The following CCS variants were observed in gnomAD, a reference collection of about 807,000 sequenced individuals.
CCS encodes copper chaperone for superoxide dismutase, also known as superoxide dismutase copper chaperone.
Under a neutral mutation model 35.5 loss-of-function variants are expected in CCS, and 32 were observed. That is an observed-to-expected ratio of 0.90 (90% confidence interval 0.68 to 1.21). The LOEUF is 1.21. CCS is among the 50% of genes most tolerant of loss of function. The probability of loss-of-function intolerance (pLI) is 0.00; values close to 1 mark genes in which losing one functional copy is unlikely to be tolerated. For synonymous variants in CCS, 130 were observed against 147.2 expected, an observed-to-expected ratio of 0.88 and a Z score of 0.84; for missense variants, 342 against 375.4, an observed-to-expected ratio of 0.91 and a Z score of 0.73.
intron 5 of CCS, among the ~76,000 whole-genome samples, chr11:66,601,175 C>G (rs560044627): frequency 6.6e-6 from 1 of 152,322 alleles, no homozygotes; most frequent in South Asian, 2.1e-4. Flanking sequence ...TCATTGCAAC[C>G]TCCGCCTCCC....
chr11:66,600,006 G>C (rs1858547015), intron 4 of CCS: 1 of 205,232 alleles, frequency 4.9e-6, no homozygotes, highest in African/African-American at 2.4e-5. Flanking sequence ...CATAATCCCA[G>C]CTACTAGGGA....
chr11:66,606,000 AGTTTT>A lies in CCS; in HGVS notation c.*146_*150del. ...CTGTGGTGTTCCCTTGGCAAATGAA[AGTTTT>A]ATTTTCGTTTGGGACTTGGTGTTTT... On this transcript the variant is annotated 3_prime_UTR_variant, in exon 8 of 8. Coordinates refer to ENST00000533244, the MANE Select transcript of CCS (RefSeq NM_005125.2). 1.2e-6 allele frequency: 1 copy of A among 862,964 alleles called. No homozygotes were observed. The highest frequency in any genetic ancestry group is 1.6e-6 in the Non-Finnish European group (1 of 621,796). 53.5% of individuals were successfully genotyped at this position (862,964 alleles called of 1,614,324 possible). A position where few individuals can be genotyped will look rare whatever the true frequency, so the allele number is the denominator to read the frequency against.
In CCS at chr11:66,605,509, C is replaced by T. The variant is rs1323859066; in HGVS notation, c.588C>T (p.Arg196=). ...CAAAGGTGTGGGATGTGATTGGCCG[C>T]AGCCTGATTATTGATGAGGGAGAAG... ...EQLKVWDVIG[R]SLIIDEGEDD... is the part of the protein sequence containing the mutation. Residue 196 remains arginine, a synonymous_variant, in exon 7 of 8, where the codon CGC becomes CGT. Transcript: ENST00000533244. 6.2e-7 allele frequency: 1 copy of T among 1,614,064 alleles called. No homozygotes were observed. Among genetic ancestry groups the T allele is most frequent in the East Asian group, 2.2e-5 (1 of 44,874 alleles).
chr11:66,600,464 C>T (rs1398651529), intron 4 of CCS, 25 bp from the exon 5 acceptor site: 1 of 1,482,158 alleles, frequency 6.7e-7, no homozygotes, highest in South Asian at 1.4e-5. Context: ...TGCTTTCCTG[C>T]CCACCTGTTT....
In CCS at chr11:66,600,477, T is replaced by C. The variant is rs1196989386; in HGVS notation, c.429-12T>C. 2 of 1,517,626 alleles carry C rather than the reference T, an allele frequency of 1.3e-6. No homozygotes were observed. The highest frequency in any genetic ancestry group is 1.8e-6 in the Non-Finnish European group (2 of 1,128,090). 94.0% of individuals were successfully genotyped at this position (1,517,626 alleles called of 1,614,324 possible). A position where few individuals can be genotyped will look rare whatever the true frequency, so the allele number is the denominator to read the frequency against. ...GCTGCTTTCCTGCCCACCTGTTTCC[T>C]TTCTTTCTTAGCTGTGGGAATCACT... is the stretch of plus-strand genomic sequence containing the variant. On this transcript the variant is annotated splice_polypyrimidine_tract_variant and intron_variant, in intron 4 of 7. Coordinates refer to ENST00000533244, the MANE Select transcript of CCS (RefSeq NM_005125.2).
rs1858630963 is a variant in CCS at position 66,605,032 on chromosome 11, G to T, written c.490-307G>T. ...ACAGTCTGATCCAATGGGAATGACT[G>T]CACAGGCAGGGGAAACTTCCACTGG... is the stretch of plus-strand genomic sequence containing the variant. On this transcript the variant is annotated intron_variant, in intron 5 of 7. Coordinates refer to ENST00000533244, the MANE Select transcript of CCS (RefSeq NM_005125.2). 2.9e-6 allele frequency: 3 copies of T among 1,049,906 alleles called. No individual in the cohort carries two copies. The Admixed American group carries it at 8.2e-5, about 29-fold the overall frequency. The allele number at this position is 1,049,906 out of a possible 1,614,324, so 65.0% of individuals were successfully genotyped here. A position where few individuals can be genotyped will look rare whatever the true frequency, so the allele number is the denominator to read the frequency against.
In CCS at chr11:66,600,558, C is replaced by A. The variant is rs778668421; in HGVS notation, c.489+9C>A. ...CCCAGGACTCTGACCGGGTAAGTGTCTGTCTGGGTTTGGGCTTGGGCTGAG... is the reference window on the plus strand; with the variant it reads ...CCCAGGACTCTGACCGGGTAAGTGTATGTCTGGGTTTGGGCTTGGGCTGAG... On this transcript the variant is annotated intron_variant, in intron 5 of 7. Transcript: ENST00000533244. 1.1e-5 allele frequency: 16 copies of A among 1,500,868 alleles called. No individual in the cohort carries two copies. Among genetic ancestry groups the A allele is most frequent in the Non-Finnish European group, 1.4e-5 (16 of 1,114,406 alleles). 93.0% of individuals were successfully genotyped at this position (1,500,868 alleles called of 1,614,324 possible).
chr11:66,597,347 A>C (rs1858494306), intron 2 of CCS, among the ~76,000 whole-genome samples: 1 of 151,808 alleles, frequency 6.6e-6, no homozygotes, highest in South Asian at 2.1e-4. Flanking sequence ...TGTCCCAGCT[A>C]CTCGGGAGGC....
rs1261036540 is a variant in CCS at position 66,599,142 on chromosome 11, G to A, written c.139G>A (p.Glu47Lys). 5 of 1,614,124 alleles carry A rather than the reference G, an allele frequency of 3.1e-6. No individual in the cohort carries two copies. The South Asian group carries it at 5.5e-5, about 18-fold the overall frequency. The stretch of plus-strand genomic sequence containing the variant: ...TGTCCAGGATGTGGAGGTGCACTTG[G>A]AGGACCAGATGGTCTTGGTACACAC... ...AGVQDVEVHL[E>K]DQMVLVHTTL... Residue 47 changes from glutamate to lysine, a missense_variant, in exon 3 of 8, where the codon GAG (glutamate) becomes AAG (lysine). Transcript: ENST00000533244.
intron 2 of CCS, among the ~76,000 whole-genome samples, chr11:66,595,628 G>C (rs1160847034): frequency 2.0e-5 from 3 of 151,986 alleles, no homozygotes; most frequent in Non-Finnish European, 2.9e-5. Flanking sequence ...CCAGCCCAAG[G>C]CTCACCCCCT....
chr11:66,600,555 T>G lies in CCS; in HGVS notation c.489+6T>G, dbSNP rs1379698670. 1 of 1,504,214 alleles carries G rather than the reference T, an allele frequency of 6.6e-7. No individual in the cohort carries two copies. Among genetic ancestry groups the G allele is most frequent in the Non-Finnish European group, 9.0e-7 (1 of 1,116,892 alleles). 93.2% of individuals were successfully genotyped at this position (1,504,214 alleles called of 1,614,324 possible). On this transcript the variant is annotated splice_donor_region_variant and intron_variant, in intron 5 of 7. Coordinates refer to ENST00000533244, the MANE Select transcript of CCS (RefSeq NM_005125.2). ...GCCCCCAGGACTCTGACCGGGTAAGTGTCTGTCTGGGTTTGGGCTTGGGCT... is the reference window on the plus strand; with the variant it reads ...GCCCCCAGGACTCTGACCGGGTAAGGGTCTGTCTGGGTTTGGGCTTGGGCT...
chr11:66,600,566 G>A lies in CCS; in HGVS notation c.489+17G>A. On this transcript the variant is annotated intron_variant, in intron 5 of 7. Transcript: ENST00000533244. Reference sequence around the variant, plus strand: ...TCTGACCGGGTAAGTGTCTGTCTGGGTTTGGGCTTGGGCTGAGAGAGGACC... The same window carrying A: ...TCTGACCGGGTAAGTGTCTGTCTGGATTTGGGCTTGGGCTGAGAGAGGACC... 1 of 1,476,262 alleles carries A rather than the reference G, an allele frequency of 6.8e-7. No individual in the cohort carries two copies. Among genetic ancestry groups the A allele is most frequent in the South Asian group, 1.4e-5 (1 of 73,328 alleles). 91.4% of individuals were successfully genotyped at this position (1,476,262 alleles called of 1,614,324 possible).
chr11:66,602,481 C>T (rs1258549453), intron 5 of CCS, among the ~76,000 whole-genome samples: 2 of 152,166 alleles, frequency 1.3e-5, no homozygotes, highest in African/African-American at 4.8e-5. Flanking sequence ...TGAGAGAGGG[C>T]GTCCAAGACT....
chr11:66,593,219 C>A lies in CCS; in HGVS notation c.-43C>A. The A allele has an allele frequency of 6.4e-7, 1 of 1,551,078 alleles. No individual in the cohort carries two copies. Among genetic ancestry groups the A allele is most frequent in the Non-Finnish European group, 8.7e-7 (1 of 1,147,162 alleles). On this transcript the variant is annotated 5_prime_UTR_variant, in exon 1 of 8. Transcript: ENST00000533244. Reference sequence around the variant, plus strand: ...GACGCCGCGCTGGTTGGTGCTCCTGCGCCGGAGGAGTTCTGCGTCTCGGGG... The same window carrying A: ...GACGCCGCGCTGGTTGGTGCTCCTGAGCCGGAGGAGTTCTGCGTCTCGGGG...
intron 2 of CCS, among the ~76,000 whole-genome samples, chr11:66,593,964 C>T (rs927510700): frequency 6.6e-6 from 1 of 152,152 alleles, no homozygotes; most frequent in South Asian, 2.1e-4. Flanking sequence ...GACTGAGGAG[C>T]TAGGCTGAGG....
chr11:66,593,730 A>T lies in CCS; in HGVS notation c.112+16A>T. 1 of 1,612,612 alleles carries T rather than the reference A, an allele frequency of 6.2e-7. No homozygotes were observed. Among genetic ancestry groups the T allele is most frequent in the Non-Finnish European group, 8.5e-7 (1 of 1,178,712 alleles). ...GGGGTGGCAGGTAAGAACAGGGTAAACTTTTCTGCAGACAGTCCAGAAGCC... is the reference window on the plus strand; with the variant it reads ...GGGGTGGCAGGTAAGAACAGGGTAATCTTTTCTGCAGACAGTCCAGAAGCC... On this transcript the variant is annotated intron_variant, in intron 2 of 7. Transcript: ENST00000533244.
In CCS at chr11:66,593,701, G is replaced by A; in HGVS notation, c.99G>A (p.Leu33=). 2 of 1,614,088 alleles carry A rather than the reference G, an allele frequency of 1.2e-6. No homozygotes were observed. Among genetic ancestry groups the A allele is most frequent in the South Asian group, 1.1e-5 (1 of 91,070 alleles). The change falls in exon 2 of 8, where the codon CTG becomes CTA. Residue 33 remains leucine, a synonymous_variant. Transcript: ENST00000533244. ...QSCVDAVRKS[L]QGVAGVQDVE... ...GTGTGGACGCGGTGCGCAAATCCCT[G>A]CAAGGGGTGGCAGGTAAGAACAGGG...
At chr11:66,597,275 G>A (rs1858492796) in intron 2 of CCS, among the ~76,000 whole-genome samples, 1 of 152,004 alleles carries the variant, frequency 6.6e-6, no homozygotes, top group African/African-American at 2.4e-5. Context: ...TGGCTAACAC[G>A]GTGAAACCCT....
chr11:66,599,289 G>C, intron 3 of CCS, 36 bp downstream of exon 3: 2 of 1,556,268 alleles, frequency 1.3e-6, no homozygotes, highest in Non-Finnish European at 1.7e-6. Context: ...CCTCTCGGAG[G>C]GAGGTGGCTC....
Sources: gnomAD v4.1 joint callset for allele counts (sites outside exome capture counted in the v4.1 genomes callset) on GRCh38, gnomAD v4.1.1 for gene constraint, MANE v1.5 for transcripts, NCBI Gene and HGNC (gene_info 2026-07-23, HGNC 2026-07-21) for gene names.